PCDH11Y: variants seen among roughly 807,000 people sequenced by gnomAD.
PCDH11Y encodes protocadherin-11 Y-linked.
For missense variants in PCDH11Y, 12 were observed against 224.8 expected (o/e 0.05, Z 6.05); for synonymous variants, 9 against 83.6 (o/e 0.11, Z 4.87).
chrY:5,436,147 C>T, intron 2 of PCDH11Y, among the ~76,000 whole-genome samples: 1 of 33,211 alleles, frequency 3.0e-5, no homozygotes, highest in Non-Finnish European at 7.5e-5. Flanking sequence ...TGGTATACAG[C>T]CTTTTAAATT....
intron 2 of PCDH11Y, among the ~76,000 whole-genome samples, chrY:5,461,751 T>C (rs2053303768): frequency 3.0e-5 from 1 of 33,370 alleles, no homozygotes; most frequent in Non-Finnish European, 7.4e-5. Context: ...CTATTTCCAT[T>C]CTTGCAGATG....
intron 2 of PCDH11Y, among the ~76,000 whole-genome samples, chrY:5,126,037 G>T (rs1602872200): frequency 3.1e-5 from 1 of 32,729 alleles, no homozygotes; most frequent in East Asian, 8.1e-4. Context: ...CTCCAAAATT[G>T]AAGGCAGTTG....
intron 2 of PCDH11Y, among the ~76,000 whole-genome samples, chrY:5,327,967 C>T: frequency 6.2e-5 from 2 of 32,388 alleles, no homozygotes; most frequent in South Asian, 7.1e-4. Flanking sequence ...AAGAAGGGGA[C>T]GGGCTTACCC....
intron 2 of PCDH11Y, chrY:5,337,735 G>A: frequency 2.7e-6 from 1 of 365,434 alleles, no homozygotes; most frequent in Non-Finnish European, 3.7e-6. Flanking sequence ...CTGGGCGGCA[G>A]GACAGCCCCT....
chrY:5,087,517 G>A (rs2052732909), intron 1 of PCDH11Y, among the ~76,000 whole-genome samples: 1 of 32,300 alleles, frequency 3.1e-5, no homozygotes, highest in Non-Finnish European at 7.6e-5. Context: ...GCTGGTATCC[G>A]GGATGTAAAA....
Position 5,475,074 on chromosome Y carries a change from A to G in PCDH11Y, c.3130-25983A>G, listed in dbSNP as rs2053317423. On this transcript the variant is annotated intron_variant, in intron 2 of 4. Transcript: ENST00000400457. ...TTCTAACAGGTTTTTTTTTTGAATA[A>G]TCTTTAGGATTTTATACATCTAATA... Among the ~76,000 whole-genome samples, 3 of 32,618 alleles carry G rather than the reference A, an allele frequency of 9.2e-5. No individual in the cohort carries two copies. In the East Asian group the frequency reaches 2.4e-3, roughly 26 times the overall value. The allele number at this position is 32,618 out of a possible 37,273, so 87.5% of individuals were successfully genotyped here.
intron 2 of PCDH11Y, among the ~76,000 whole-genome samples, chrY:5,368,624 A>G: frequency 2.9e-5 from 1 of 34,004 alleles, no homozygotes; most frequent in South Asian, 6.5e-4. Context: ...TGGAGCCCCC[A>G]CACAGAATCC....
intron 4 of PCDH11Y, among the ~76,000 whole-genome samples, chrY:5,624,419 C>T (rs1602953301): frequency 3.9e-4 from 5 of 12,718 alleles, no homozygotes; most frequent in Middle Eastern, 0.043. Context: ...TTTTTTTTGG[C>T]AATTGCTTTC....
chrY:5,604,622 G>A (rs2124700017), intron 4 of PCDH11Y, among the ~76,000 whole-genome samples: 1 of 31,599 alleles, frequency 3.2e-5, no homozygotes, highest in Non-Finnish European at 7.7e-5. Context: ...TATTTAAGGT[G>A]TTCAACGTGA....
At chrY:5,495,196 A>T in intron 2 of PCDH11Y, among the ~76,000 whole-genome samples, 1 of 33,681 alleles carries the variant, frequency 3.0e-5, no homozygotes, top group East Asian at 7.9e-4. Flanking sequence ...TTTCAGGGCC[A>T]AGTAGTAAAG....
At chrY:5,015,276 T>C in intron 1 of PCDH11Y, among the ~76,000 whole-genome samples, 1 of 33,527 alleles carries the variant, frequency 3.0e-5, no homozygotes. Context: ...ATTGAGCTAC[T>C]AGTCCAGATT....
At chrY:5,519,180 G>A (rs2053376283) in intron 3 of PCDH11Y, among the ~76,000 whole-genome samples, 1 of 32,289 alleles carries the variant, frequency 3.1e-5, no homozygotes, top group Non-Finnish European at 7.5e-5. Context: ...CACGAGGTCA[G>A]GAGATCGAGA....
At chrY:5,379,574 G>C in intron 2 of PCDH11Y, among the ~76,000 whole-genome samples, 3 of 32,566 alleles carry the variant, frequency 9.2e-5, no homozygotes, top group Non-Finnish European at 2.3e-4. Context: ...AGACCCTAGC[G>C]GGCAGACACA....
intron 4 of PCDH11Y, among the ~76,000 whole-genome samples, chrY:5,639,712 C>T (rs2557089): frequency 6.8e-5 from 1 of 14,719 alleles, no homozygotes; most frequent in African/African-American, 2.8e-4. Flanking sequence ...AACAGGATTT[C>T]GCCATGTTGA....
intron 4 of PCDH11Y, among the ~76,000 whole-genome samples, chrY:5,707,623 G>A: frequency 3.2e-5 from 1 of 31,079 alleles, no homozygotes; most frequent in African/African-American, 1.3e-4. Flanking sequence ...GAGAGAATTA[G>A]TGAGCCTGAA....
intron 2 of PCDH11Y, among the ~76,000 whole-genome samples, chrY:5,298,410 T>G: frequency 3.0e-5 from 1 of 32,846 alleles, no homozygotes; most frequent in African/African-American, 1.2e-4. Flanking sequence ...GTTAAATGAC[T>G]AGAATACTGG....
At chrY:5,517,272 C>T in intron 3 of PCDH11Y, among the ~76,000 whole-genome samples, 3 of 32,548 alleles carry the variant, frequency 9.2e-5, no homozygotes, top group Non-Finnish European at 2.3e-4. Flanking sequence ...ATGGTGATAG[C>T]GGCAGAATAT....
At chrY:5,293,153 G>A in intron 2 of PCDH11Y, among the ~76,000 whole-genome samples, 1 of 31,737 alleles carries the variant, frequency 3.2e-5, no homozygotes, top group Non-Finnish European at 7.6e-5. Flanking sequence ...TTATTAAGAT[G>A]GAGTCTCACT....
chrY:5,508,997 C>A (rs2053361509), intron 3 of PCDH11Y, among the ~76,000 whole-genome samples: 1 of 32,822 alleles, frequency 3.0e-5, no homozygotes, highest in African/African-American at 1.2e-4. Flanking sequence ...TTTAGTCCAG[C>A]TCCCTCATTA....
Sources: allele counts gnomAD v4.1 joint callset (sites outside exome capture counted in the v4.1 genomes callset), GRCh38; gene constraint gnomAD v4.1.1; transcripts MANE v1.5; gene names NCBI Gene and HGNC (gene_info 2026-07-23, HGNC 2026-07-21).